MCTP1: variants seen among roughly 807,000 people sequenced by gnomAD.
The protein encoded by MCTP1 is multiple C2 and transmembrane domain-containing protein 1.
A neutral mutation model predicts 120.6 loss-of-function variants in MCTP1; 69 were observed. That is an observed-to-expected ratio of 0.57 (90% CI 0.47 to 0.70). The LOEUF is 0.70. MCTP1 is among the 30% of genes least tolerant of loss of function. The pLI is 0.00. For synonymous variants in MCTP1, 529 were observed against 493.1 expected (o/e 1.07, Z -0.96); for missense variants, 1,203 against 1,248.8 (o/e 0.96, Z 0.55).
intron 1 of MCTP1, among the ~76,000 whole-genome samples, chr5:95,089,831 T>C (rs1755709505): frequency 6.6e-6 from 1 of 152,174 alleles, no homozygotes; most frequent in Non-Finnish European, 1.5e-5. Context: ...CTATAATACT[T>C]CCCTTCTTTC....
chr5:94,982,060 G>A (rs887021511), intron 2 of MCTP1, among the ~76,000 whole-genome samples: 1 of 152,138 alleles, frequency 6.6e-6, no homozygotes, highest in Non-Finnish European at 1.5e-5. Flanking sequence ...AAAAGGGCAA[G>A]TACATTGTTT....
intron 19 of MCTP1, among the ~76,000 whole-genome samples, chr5:94,741,159 GAAGTA>G (rs752841151): frequency 7.9e-5 from 12 of 152,140 alleles, no homozygotes; most frequent in Non-Finnish European, 4.4e-5. Context: ...AGGACCTTTA[GAAGTA>G]AATTAGAGTC....
intron 2 of MCTP1, among the ~76,000 whole-genome samples, chr5:94,989,524 T>G (rs1439002604): frequency 6.6e-6 from 1 of 152,304 alleles, no homozygotes; most frequent in Middle Eastern, 3.4e-3. Flanking sequence ...TCTTGAGCGA[T>G]AGAAGCATCT....
At chr5:94,949,090 A>T (rs1312604515) in intron 3 of MCTP1, among the ~76,000 whole-genome samples, 1 of 152,180 alleles carries the variant, frequency 6.6e-6, no homozygotes, top group Non-Finnish European at 1.5e-5. Context: ...TCTATTTTTC[A>T]GAATAGTGCT....
chr5:94,992,662 AT>A (rs1357428267), intron 2 of MCTP1, among the ~76,000 whole-genome samples: 1 of 152,196 alleles, frequency 6.6e-6, no homozygotes, highest in African/African-American at 2.4e-5. Context: ...CAGATGGCAA[AT>A]GGGAATTGCT....
chr5:94,843,148 G>A (rs184740495), intron 17 of MCTP1, among the ~76,000 whole-genome samples: 1 of 151,418 alleles, frequency 6.6e-6, no homozygotes, highest in Admixed American at 6.6e-5. Context: ...CATCGACATT[G>A]ACAATTTGCT....
chr5:94,782,721 G>C (rs1244246513), intron 18 of MCTP1, among the ~76,000 whole-genome samples: 1 of 151,978 alleles, frequency 6.6e-6, no homozygotes, highest in East Asian at 1.9e-4. Flanking sequence ...AACCAAATAA[G>C]CACTACATCG....
chr5:95,199,583 T>TGTGGTG (rs1436997746), intron 1 of MCTP1, among the ~76,000 whole-genome samples: 1 of 151,212 alleles, frequency 6.6e-6, no homozygotes, highest in Non-Finnish European at 1.5e-5. Context: ...GATTGCTGGG[T>TGTGGTG]GTGGTGGCTC....
At chr5:94,906,009 G>A (rs750113408) in intron 10 of MCTP1, among the ~76,000 whole-genome samples, 42 of 152,024 alleles carry the variant, frequency 2.8e-4, no homozygotes, top group Non-Finnish European at 5.0e-4. Flanking sequence ...GAAGGCAAGC[G>A]AAAAATGTGT....
At chr5:94,985,368 T>C (rs1345550268) in intron 2 of MCTP1, among the ~76,000 whole-genome samples, 5 of 152,218 alleles carry the variant, frequency 3.3e-5, no homozygotes, top group Non-Finnish European at 7.3e-5. Context: ...TATTTAAATT[T>C]TCATTTTGCT....
intron 19 of MCTP1, among the ~76,000 whole-genome samples, chr5:94,770,893 A>G (rs1773904551): frequency 6.6e-6 from 1 of 152,194 alleles, no homozygotes. Flanking sequence ...ATCATCACCT[A>G]ATAAAGCCAC....
intron 19 of MCTP1, among the ~76,000 whole-genome samples, chr5:94,753,156 C>T (rs1768899415): frequency 6.6e-6 from 1 of 152,132 alleles, no homozygotes; most frequent in Non-Finnish European, 1.5e-5. Context: ...GTGCATATGG[C>T]AGTGACATTT....
At chr5:95,054,195 C>A (rs996469384) in intron 1 of MCTP1, among the ~76,000 whole-genome samples, 1 of 152,144 alleles carries the variant, frequency 6.6e-6, no homozygotes, top group African/African-American at 2.4e-5. Context: ...CCGTGAGGGC[C>A]CACAGCCCGA....
intron 19 of MCTP1, chr5:94,739,497 G>A (rs1765017942): frequency 6.6e-6 from 1 of 152,148 alleles, no homozygotes; most frequent in South Asian, 2.1e-4. Context: ...TCAATGGCAT[G>A]GCATTCGAAT....
chr5:95,196,936 T>A (rs560857920), intron 1 of MCTP1, among the ~76,000 whole-genome samples: 3 of 152,340 alleles, frequency 2.0e-5, no homozygotes, highest in African/African-American at 7.2e-5. Context: ...TTCAACAGAT[T>A]GATTTTTTTA....
At chr5:94,718,805 C>T (rs1434784083) in intron 19 of MCTP1, among the ~76,000 whole-genome samples, 2 of 152,118 alleles carry the variant, frequency 1.3e-5, no homozygotes, top group South Asian at 2.1e-4. Flanking sequence ...CTGCAACCTC[C>T]GCCTCCCAGG....
At chr5:95,078,001 G>T (rs372853536) in intron 1 of MCTP1, among the ~76,000 whole-genome samples, 128 of 11,434 alleles carry the variant, frequency 0.011, 1 homozygote, top group Middle Eastern at 0.083. Context: ...ACAGATATGG[G>T]AACACCTTCA....
At position 94,872,707 on chromosome 5, in the gene MCTP1, T is replaced by A. The variant is rs370907624; in HGVS notation, c.2036+432A>T. The stretch of plus-strand genomic sequence containing the variant: ...ACAATACTTAATATTCTCATTGTGC[T>A]AAAATGAAAAGAACCAAAACTAAAG... On this transcript the variant is annotated intron_variant, in intron 13 of 22. Coordinates refer to ENST00000515393, the MANE Select transcript of MCTP1 (RefSeq NM_024717.7). Among the ~76,000 whole-genome samples the A allele has an allele frequency of 1.2e-3, 182 of 152,212 alleles. 1 individual carries two copies. Among genetic ancestry groups the A allele is most frequent in the African/African-American group, 4.1e-3 (169 of 41,568 alleles).
chr5:95,159,751 CA>C (rs1433879377), intron 1 of MCTP1, among the ~76,000 whole-genome samples: 3 of 151,808 alleles, frequency 2.0e-5, no homozygotes, highest in Non-Finnish European at 4.4e-5. Flanking sequence ...GAAGATGTTC[CA>C]TACAGTGTAG....
Sources: allele counts gnomAD v4.1 joint callset (sites outside exome capture counted in the v4.1 genomes callset), GRCh38; gene constraint gnomAD v4.1.1; transcripts MANE v1.5; gene names NCBI Gene and HGNC (gene_info 2026-07-23, HGNC 2026-07-21).